SDCCAG8: variants seen among roughly 807,000 people sequenced by gnomAD.
SDCCAG8 encodes the protein SHH signaling and ciliogenesis regulator SDCCAG8, also known as serologically defined colon cancer antigen 8.
Under a neutral mutation model 101.8 loss-of-function variants are expected in SDCCAG8, and 74 were observed. The observed-to-expected ratio is 0.73, with a 90% CI of 0.60 to 0.88. The LOEUF is 0.88. Among genes scored for constraint, SDCCAG8 ranks in the 40% least tolerant of loss-of-function variants. The pLI is 0.00. For synonymous variants in SDCCAG8, 281 were observed against 292.9 expected, an observed-to-expected ratio of 0.96 and a Z score of 0.41; for missense variants, 787 against 822.6, an observed-to-expected ratio of 0.96 and a Z score of 0.53.
At chr1:243,443,930 T>A (rs1332770500) in intron 16 of SDCCAG8, among the ~76,000 whole-genome samples, 2 of 152,192 alleles carry the variant, frequency 1.3e-5, no homozygotes, top group African/African-American at 4.8e-5. Flanking sequence ...TAATTTTTAA[T>A]GAAATATTTT....
chr1:243,477,828 A>G (rs1662726577), intron 16 of SDCCAG8, among the ~76,000 whole-genome samples: 1 of 152,222 alleles, frequency 6.6e-6, no homozygotes, highest in Admixed American at 6.5e-5. Flanking sequence ...CTTTGTGCCA[A>G]CACCAGTCTG....
chr1:243,356,261 G>T (rs1453006915), intron 12 of SDCCAG8, among the ~76,000 whole-genome samples: 1 of 152,062 alleles, frequency 6.6e-6, no homozygotes, highest in East Asian at 1.9e-4. Context: ...TAACCTTACT[G>T]TGACTTACTA....
intron 8 of SDCCAG8, among the ~76,000 whole-genome samples, chr1:243,315,091 G>A (rs913523860): frequency 1.3e-5 from 2 of 152,178 alleles, no homozygotes; most frequent in South Asian, 4.1e-4. Flanking sequence ...TCATTGAATA[G>A]TTACTTTTGC....
chr1:243,303,769 GGGAGTCAAAAGTTATACAT>G (rs1300731207), intron 6 of SDCCAG8, among the ~76,000 whole-genome samples: 8 of 152,024 alleles, frequency 5.3e-5, no homozygotes, highest in African/African-American at 1.9e-4. Flanking sequence ...TAAGTTTTGG[GGGAGTCAAAAGTTATACAT>G]GGGGCCAGGC....
intron 12 of SDCCAG8, among the ~76,000 whole-genome samples, chr1:243,360,353 C>T (rs977489542): frequency 4.0e-5 from 6 of 151,706 alleles, no homozygotes; most frequent in South Asian, 2.1e-4. Context: ...GGGGTTTCAC[C>T]GTGTTAGCCA....
At chr1:243,394,014 T>C (rs1304244244) in intron 13 of SDCCAG8, among the ~76,000 whole-genome samples, 1 of 152,188 alleles carries the variant, frequency 6.6e-6, no homozygotes, top group Non-Finnish European at 1.5e-5. Context: ...AAGAGAAAAC[T>C]GACCTGTTAA....
intron 13 of SDCCAG8, among the ~76,000 whole-genome samples, chr1:243,407,814 T>C (rs997180251): frequency 3.9e-5 from 6 of 152,182 alleles, no homozygotes; most frequent in African/African-American, 1.4e-4. Context: ...ATGAAGAAAA[T>C]AGAAGTAATT....
intron 3 of SDCCAG8, among the ~76,000 whole-genome samples, chr1:243,271,876 A>G (rs1258378086): frequency 1.3e-5 from 2 of 152,192 alleles, no homozygotes; most frequent in South Asian, 2.1e-4. Flanking sequence ...GTAATGTTCT[A>G]TATGTTAAAA....
intron 13 of SDCCAG8, among the ~76,000 whole-genome samples, chr1:243,393,825 T>C (rs939097522): frequency 2.0e-5 from 3 of 152,214 alleles, no homozygotes; most frequent in Non-Finnish European, 2.9e-5. Flanking sequence ...AAAGCAACCA[T>C]GTGATACAGG....
At chr1:243,367,056 G>T (rs544418647) in intron 12 of SDCCAG8, among the ~76,000 whole-genome samples, 20 of 151,974 alleles carry the variant, frequency 1.3e-4, no homozygotes, top group Non-Finnish European at 2.4e-4. Context: ...TTTTGCTTTT[G>T]GATGATTTTT....
chr1:243,259,922 T>G (rs1397657014), intron 1 of SDCCAG8, among the ~76,000 whole-genome samples: 3 of 152,252 alleles, frequency 2.0e-5, no homozygotes, highest in African/African-American at 7.2e-5. Context: ...AGTTGTAATG[T>G]GAAAACTGAG....
chr1:243,409,481 A>G (rs2080017597), intron 13 of SDCCAG8, among the ~76,000 whole-genome samples: 1 of 152,186 alleles, frequency 6.6e-6, no homozygotes, highest in Non-Finnish European at 1.5e-5. Context: ...ATGATTTTGC[A>G]GTAGCAGTGA....
In SDCCAG8 at chr1:243,474,449, C is replaced by T. The variant is rs1009937554; in HGVS notation, c.1986-14565C>T. 2.0e-5 allele frequency among the ~76,000 whole-genome samples: 3 copies of T among 152,160 alleles called. No individual in the cohort carries two copies. Among genetic ancestry groups the T allele is most frequent in the Non-Finnish European group, 4.4e-5 (3 of 68,006 alleles). On this transcript the variant is annotated intron_variant, in intron 16 of 17. Coordinates refer to ENST00000366541, the MANE Select transcript of SDCCAG8 (RefSeq NM_006642.5). The surrounding 1 kb of genome is among the most constrained non-coding windows in gnomAD (Gnocchi z 4.7). ...GGCCCTCTCGCGCGGCTTCGGGACT[C>T]GGCCGAGCCCGGGCCTAGTATCCAG...
intron 16 of SDCCAG8, 116 bp downstream of exon 16, chr1:243,426,674 A>G (rs2081364107): frequency 2.4e-6 from 3 of 1,258,196 alleles, no homozygotes; most frequent in Non-Finnish European, 3.5e-6. Context: ...TACTTGTGAC[A>G]TGCTCAAAAT....
chr1:243,280,196 C>T (rs1452520485), intron 4 of SDCCAG8, among the ~76,000 whole-genome samples: 1 of 152,050 alleles, frequency 6.6e-6, no homozygotes, highest in Non-Finnish European at 1.5e-5. Context: ...TGGAGTTGTT[C>T]ATAGTATTTC....
rs540299244 is a variant in SDCCAG8 at position 243,468,057 on chromosome 1, C to T, written c.1986-20957C>T. 9.9e-5 allele frequency among the ~76,000 whole-genome samples: 15 copies of T among 152,240 alleles called. 1 individual carries two copies. The highest frequency in any genetic ancestry group is 2.1e-4 in the South Asian group (1 of 4,820). On this transcript the variant is annotated intron_variant, in intron 16 of 17. Coordinates refer to ENST00000366541, the MANE Select transcript of SDCCAG8 (RefSeq NM_006642.5). ...ACAAAAGGGCACAGGATTTTCCAGC[C>T]GTTGCTGCAATAATAGGTTTAGAAG... is the stretch of plus-strand genomic sequence containing the variant.
At chr1:243,351,418 C>A (rs2076076016) in intron 12 of SDCCAG8, among the ~76,000 whole-genome samples, 1 of 152,202 alleles carries the variant, frequency 6.6e-6, no homozygotes, top group South Asian at 2.1e-4. Flanking sequence ...AGTCAGAGTA[C>A]ACATTAGAAC....
chr1:243,293,642 G>A (rs556934651), intron 6 of SDCCAG8: 80 of 366,018 alleles, frequency 2.2e-4, no homozygotes, highest in South Asian at 1.5e-3. Context: ...ACTGAATAAT[G>A]TTCCATTGTA....
At position 243,415,744 on chromosome 1, in the gene SDCCAG8, A is replaced by G; in HGVS notation, c.1659A>G (p.Ala553=). The change falls in exon 14 of 18, where the codon GCA becomes GCG. Residue 553 remains alanine (A), a synonymous_variant. Coordinates refer to ENST00000366541, the MANE Select transcript of SDCCAG8 (RefSeq NM_006642.5). ...DSIQQSFSKE[A]KAQALQAQQR... Reference sequence around the variant, plus strand: ...TTCAGCAGAGCTTTAGCAAGGAAGCAAAGGCCCAAGCCCTTCAGGCCCAGC... The same window carrying G: ...TTCAGCAGAGCTTTAGCAAGGAAGCGAAGGCCCAAGCCCTTCAGGCCCAGC... 6.2e-7 allele frequency: 1 copy of G among 1,613,900 alleles called. No homozygotes were observed. Among genetic ancestry groups the G allele is most frequent in the South Asian group, 1.1e-5 (1 of 91,090 alleles).
Sources: gnomAD v4.1 joint callset for allele counts (sites outside exome capture counted in the v4.1 genomes callset) on GRCh38, gnomAD v4.1.1 for gene constraint, Gnocchi (gnomAD v3.1) non-coding constraint, MANE v1.5 for transcripts, NCBI Gene and HGNC (gene_info 2026-07-23, HGNC 2026-07-21) for gene names.